CCDC88A: variants seen among roughly 807,000 people sequenced by gnomAD.
The protein encoded by CCDC88A is girdin.
A neutral mutation model predicts 234.3 loss-of-function variants in CCDC88A; 54 were observed. The observed-to-expected ratio is 0.23, with a 90% CI of 0.19 to 0.29. CCDC88A has a LOEUF of 0.29. CCDC88A is among the 10% of genes least tolerant of loss of function. CCDC88A has a pLI of 1.00. For synonymous variants in CCDC88A, 753 were observed against 737.8 expected (o/e 1.02, Z -0.33); for missense variants, 1,832 against 2,123.4 (o/e 0.86, Z 2.70).
At chr2:55,337,831 C>T (rs1359518958) in intron 13 of CCDC88A, 1 of 151,756 alleles carries the variant, frequency 6.6e-6, no homozygotes, top group African/African-American at 2.4e-5. Context: ...TATAGTGAGA[C>T]CCTAGCTCGA....
intron 17 of CCDC88A, among the ~76,000 whole-genome samples, chr2:55,326,424 TATTTAACTTTCACAGTCTACCTTAA>T (rs1404772977): frequency 6.6e-6 from 1 of 152,250 alleles, no homozygotes; most frequent in Non-Finnish European, 1.5e-5. Context: ...ATACTATTCG[TATTTAACTTTCACAGTCTACCTTAA>T]AGTGAATACC....
intron 29 of CCDC88A, among the ~76,000 whole-genome samples, chr2:55,298,910 AC>A (rs1199866007): frequency 6.7e-6 from 1 of 150,024 alleles, no homozygotes; most frequent in East Asian, 2.0e-4. Context: ...AAAACAAAAA[AC>A]CCTCCAGGCC....
At chr2:55,392,215 A>G (rs1314712741) in intron 2 of CCDC88A, among the ~76,000 whole-genome samples, 3 of 152,218 alleles carry the variant, frequency 2.0e-5, no homozygotes, top group African/African-American at 7.2e-5. Flanking sequence ...CCATGTCAAC[A>G]GCACCACCTT....
intron 29 of CCDC88A, among the ~76,000 whole-genome samples, chr2:55,297,661 T>G (rs1437936392): frequency 1.3e-5 from 2 of 151,658 alleles, no homozygotes; most frequent in Non-Finnish European, 2.9e-5. Context: ...TCTGCCCACC[T>G]CGGCCTCACA....
intron 3 of CCDC88A, among the ~76,000 whole-genome samples, chr2:55,377,979 AT>A (rs897848280): frequency 6.6e-6 from 1 of 152,218 alleles, no homozygotes; most frequent in African/African-American, 2.4e-5. Context: ...GATAAAACTC[AT>A]TTACGTCACT....
chr2:55,366,568 CACACACACAA>C (rs1345505848), intron 5 of CCDC88A, among the ~76,000 whole-genome samples: 6 of 130,962 alleles, frequency 4.6e-5, no homozygotes, highest in South Asian at 2.4e-4. Flanking sequence ...CACACACACA[CACACACACAA>C]GATATGATGT....
intron 2 of CCDC88A, among the ~76,000 whole-genome samples, chr2:55,411,072 C>CT (rs1376137847): frequency 6.6e-6 from 1 of 152,154 alleles, no homozygotes; most frequent in Non-Finnish European, 1.5e-5. Flanking sequence ...TCCCACCACT[C>CT]TGACTCTCCA....
At chr2:55,389,018 C>G (rs1358701174) in intron 2 of CCDC88A, 132 bp from the exon 3 acceptor site, 1 of 288,710 alleles carries the variant, frequency 3.5e-6, no homozygotes, top group Non-Finnish European at 6.4e-6. Context: ...AGAGATGGTC[C>G]AAAAGGGCAG....
chr2:55,365,304 T>C (rs573306001), intron 5 of CCDC88A, among the ~76,000 whole-genome samples: 1 of 152,292 alleles, frequency 6.6e-6, no homozygotes, highest in East Asian at 1.9e-4. Context: ...AATTACGTTC[T>C]AATCATAAAT....
chr2:55,399,289 G>C (rs943097099), intron 2 of CCDC88A, among the ~76,000 whole-genome samples: 2 of 152,026 alleles, frequency 1.3e-5, no homozygotes, highest in African/African-American at 4.8e-5. Flanking sequence ...ATGCCTGGGA[G>C]GTCAAGGCGG....
At chr2:55,398,784 G>T (rs1459729546) in intron 2 of CCDC88A, among the ~76,000 whole-genome samples, 1 of 151,988 alleles carries the variant, frequency 6.6e-6, no homozygotes, top group Non-Finnish European at 1.5e-5. Context: ...AAGATTGCTT[G>T]AGCCCAGGAG....
In CCDC88A at chr2:55,309,953, C is replaced by A. The variant is rs1461242193; in HGVS notation, c.4080-699G>T. Among the ~76,000 whole-genome samples the A allele has an allele frequency of 1.3e-5, 2 of 151,664 alleles. No homozygotes were observed. The highest frequency in any genetic ancestry group is 3.9e-4 in the East Asian group (2 of 5,186). On this transcript the variant is annotated intron_variant, in intron 23 of 32. Transcript: ENST00000436346. The surrounding 1 kb of genome is among the most constrained non-coding windows in gnomAD (Gnocchi z 5.1). The stretch of plus-strand genomic sequence containing the variant: ...TATATAATCCAAGGTAGTAGCAGTA[C>A]CAAAATAAAATACTGTGCAAGTACA...
chr2:55,320,533 C>G (rs373065421), intron 18 of CCDC88A, among the ~76,000 whole-genome samples: 10 of 152,036 alleles, frequency 6.6e-5, no homozygotes, highest in African/African-American at 1.2e-4. Flanking sequence ...TAAAGGAAGT[C>G]TACAAGAAAA....
At chr2:55,358,537 C>G (rs1373626514) in intron 7 of CCDC88A, among the ~76,000 whole-genome samples, 3 of 152,082 alleles carry the variant, frequency 2.0e-5, no homozygotes, top group Non-Finnish European at 4.4e-5. Context: ...CCTATGATGA[C>G]TATGTAAATG....
chr2:55,385,761 GA>G (rs1675476719), intron 3 of CCDC88A, among the ~76,000 whole-genome samples: 1 of 143,810 alleles, frequency 7.0e-6, no homozygotes, highest in Non-Finnish European at 1.5e-5. Flanking sequence ...CCTGAGGCAG[GA>G]GAATCCCTTG....
rs1207225563 is a variant in CCDC88A, at chr2:55,374,811, T to C, written c.343+3A>G. On this transcript the variant is annotated splice_donor_region_variant and intron_variant, in intron 4 of 32. Transcript: ENST00000436346. ...ACTTTCACAGCTTAATTTTAATACT[T>C]ACCAGAAAAGGGATTTTTGCCAATG... 1.3e-6 allele frequency: 2 copies of C among 1,584,672 alleles called. No individual in the cohort carries two copies. Among genetic ancestry groups the C allele is most frequent in the Non-Finnish European group, 1.7e-6 (2 of 1,154,542 alleles).
At chr2:55,366,200 C>T (rs189399981) in intron 5 of CCDC88A, among the ~76,000 whole-genome samples, 1 of 152,192 alleles carries the variant, frequency 6.6e-6, no homozygotes, top group East Asian at 1.9e-4. Context: ...TAACTGATTA[C>T]TAAGCCAGTA....
In CCDC88A at chr2:55,335,111, T is replaced by A. The variant is rs762064315; in HGVS notation, c.1710A>T (p.Leu570Phe). ...NEHLNQTVSS[L>F]RQRSQISAEA... Reference sequence around the variant, plus strand: ...CTGCACTTATCTGGGACCGCTGCCTTAAGGAAGACACTGTTTGATTCAGAT... The same window carrying A: ...CTGCACTTATCTGGGACCGCTGCCTAAAGGAAGACACTGTTTGATTCAGAT... Residue 570 changes from leucine to phenylalanine, a missense_variant, in exon 15 of 33, where the codon TTA becomes TTT. Physicochemically the swap from Leu to Phe is conservative, Grantham distance 22. This residue lies in a region of CCDC88A where 1,282 missense variants were observed against 1,543.6 expected (regional missense o/e 0.83). Transcript: ENST00000436346. This position sits in a 1 kb window ranked among gnomAD's most constrained non-coding sequence, Gnocchi z 4.5. The A allele has an allele frequency of 6.3e-7, 1 of 1,588,352 alleles. No homozygotes were observed.
At chr2:55,385,115 C>A (rs1466073158) in intron 3 of CCDC88A, among the ~76,000 whole-genome samples, 1 of 152,018 alleles carries the variant, frequency 6.6e-6, no homozygotes, top group Non-Finnish European at 1.5e-5. Flanking sequence ...ATCACTGCCA[C>A]CCCCACCACT....
Sources: gnomAD v4.1 joint callset for allele counts (sites outside exome capture counted in the v4.1 genomes callset) on GRCh38, gnomAD v4.1.1 for gene constraint, gnomAD v4.1.1 regional missense constraint, Gnocchi (gnomAD v3.1) non-coding constraint, MANE v1.5 for transcripts, NCBI Gene and HGNC (gene_info 2026-07-23, HGNC 2026-07-21) for gene names.